The following FYCO1 variants were observed in gnomAD, a reference collection of about 807,000 sequenced individuals.
The protein encoded by FYCO1 is FYVE and coiled-coil domain-containing protein 1.
FYCO1 carries 122 observed loss-of-function variants against 165.1 expected under a neutral mutation model. The observed-to-expected ratio is 0.74, with a 90% CI of 0.64 to 0.86. FYCO1 has a LOEUF of 0.86. Among genes scored for constraint, FYCO1 ranks in the 40% least tolerant of loss-of-function variants. The probability of loss-of-function intolerance (pLI) is 0.00; values close to 1 mark genes in which losing one functional copy is unlikely to be tolerated. For synonymous variants in FYCO1, 648 were observed against 742.5 expected (o/e 0.87, Z 2.07); for missense variants, 1,702 against 1,810.3 (o/e 0.94, Z 1.09).
rs1350201867 is a variant in FYCO1, at chr3:45,980,311, T to C, written c.163-481A>G. ...TAGCAGTGAGCCAAGGTTGCACCAC[T>C]GCACTCCAGCCTGGGCAACAAGAGT... On this transcript the variant is annotated intron_variant, in intron 3 of 17. Transcript: ENST00000296137. Among the ~76,000 whole-genome samples, 7 of 150,094 alleles carry C rather than the reference T, an allele frequency of 4.7e-5. No individual in the cohort carries two copies. In the East Asian group the frequency reaches 1.4e-3, roughly 29 times the overall value.
chr3:45,962,479 G>A lies in FYCO1; in HGVS notation c.3270-87C>T. The A allele has an allele frequency of 8.2e-7, 1 of 1,217,780 alleles. No individual in the cohort carries two copies. The highest frequency in any genetic ancestry group is 1.2e-5 in the South Asian group (1 of 82,730). 75.4% of individuals were successfully genotyped at this position (1,217,780 alleles called of 1,614,324 possible). On this transcript the variant is annotated intron_variant, in intron 10 of 17. Transcript: ENST00000296137. The surrounding 1 kb of genome is among the most constrained non-coding windows in gnomAD (Gnocchi z 4.4). ...AGCTCACCCAGGACTCTAATGAGGGGTGCTACTGCCCTCCGCCATGGGGGA... is the reference window on the plus strand; with the variant it reads ...AGCTCACCCAGGACTCTAATGAGGGATGCTACTGCCCTCCGCCATGGGGGA...
At position 45,958,537 on chromosome 3, in the gene FYCO1, G is replaced by C. The variant is rs372348872; in HGVS notation, c.3670C>G (p.Arg1224Gly). 2.5e-6 allele frequency: 4 copies of C among 1,614,044 alleles called. No homozygotes were observed. The highest frequency in any genetic ancestry group is 1.3e-5 in the African/African-American group (1 of 74,924). Residue 1224 changes from arginine (R) to glycine (G), a missense_variant, in exon 13 of 18, where the codon CGA (arginine) becomes GGA (glycine). Coordinates refer to ENST00000296137, the MANE Select transcript of FYCO1 (RefSeq NM_024513.4). ...TCACTGAGCTTCTGGAAACAGGCTC[G>C]GCAGCAGCGCTCCTTTTTGCCACCG... ...KHGGKKERCC[R>G]ACFQKLSEGP...
chr3:45,923,341 A>C (rs1444989483), intron 17 of FYCO1, among the ~76,000 whole-genome samples: 2 of 152,172 alleles, frequency 1.3e-5, no homozygotes, highest in Non-Finnish European at 2.9e-5. Flanking sequence ...AGAGAGGGAA[A>C]GGGCACCTTG....
intron 7 of FYCO1, among the ~76,000 whole-genome samples, chr3:45,969,130 C>A (rs2125854216): frequency 6.6e-6 from 1 of 152,314 alleles, no homozygotes; most frequent in South Asian, 2.1e-4. Context: ...TTATATTGAT[C>A]ATTTTAATTT....
intron 16 of FYCO1, among the ~76,000 whole-genome samples, chr3:45,929,058 C>T (rs1703464536): frequency 6.6e-6 from 1 of 152,244 alleles, no homozygotes; most frequent in Non-Finnish European, 1.5e-5. Flanking sequence ...GTCAGGAGTG[C>T]ACTCGGGGAG....
intron 14 of FYCO1, chr3:45,938,149 A>G (rs1414398159): frequency 8.6e-7 from 1 of 1,162,858 alleles, no homozygotes. Context: ...CTCTTCCTCC[A>G]TCACCCTCCT....
At chr3:45,960,940 T>A (rs1357173280) in intron 11 of FYCO1, among the ~76,000 whole-genome samples, 2 of 152,188 alleles carry the variant, frequency 1.3e-5, no homozygotes, top group Non-Finnish European at 2.9e-5. Flanking sequence ...TGGGCATTTT[T>A]AAATTACTTT....
chr3:45,932,553 T>C (rs780915153), intron 15 of FYCO1, among the ~76,000 whole-genome samples: 1 of 152,202 alleles, frequency 6.6e-6, no homozygotes, highest in African/African-American at 2.4e-5. Context: ...GAAAATGTAT[T>C]ACTATCCCCT....
intron 5 of FYCO1, among the ~76,000 whole-genome samples, chr3:45,973,878 C>A (rs1251007652): frequency 6.6e-6 from 1 of 151,050 alleles, no homozygotes. Flanking sequence ...GGCAACATGG[C>A]AATATCCCAT....
Position 45,964,037 on chromosome 3 carries a change from A to T in FYCO1, c.3269+299T>A, listed in dbSNP as rs1327150951. On this transcript the variant is annotated intron_variant, in intron 10 of 17. Transcript: ENST00000296137. This position sits in a 1 kb window ranked among gnomAD's most constrained non-coding sequence, Gnocchi z 4.1. Reference sequence around the variant, plus strand: ...TGCTACTATTACCATTATTATTATGATCTAACTTTTATTTCATTTTAGTTT... The same window carrying T: ...TGCTACTATTACCATTATTATTATGTTCTAACTTTTATTTCATTTTAGTTT... Among the ~76,000 whole-genome samples, 1 of 152,218 alleles carries T rather than the reference A, an allele frequency of 6.6e-6. No homozygotes were observed. Among genetic ancestry groups the T allele is most frequent in the Non-Finnish European group, 1.5e-5 (1 of 68,040 alleles).
chr3:45,929,305 C>T (rs1478025810), intron 16 of FYCO1, among the ~76,000 whole-genome samples: 1 of 152,112 alleles, frequency 6.6e-6, no homozygotes, highest in Non-Finnish European at 1.5e-5. Flanking sequence ...TCAGTAGGTC[C>T]CCAAGTTCCT....
At chr3:45,931,040 A>T in intron 16 of FYCO1, 31 bp downstream of exon 16, 1 of 1,601,846 alleles carries the variant, frequency 6.2e-7, no homozygotes. Flanking sequence ...TGTGTGTGTA[A>T]GGAGCCCACA....
rs572011663 is a variant in FYCO1, at chr3:45,971,366, C to G, written c.540-1601G>C. ...CAAGAATGATCAAATGGTATTAAAA[C>G]TAATACAGGACAGATTTAAGAGAAA... On this transcript the variant is annotated intron_variant, in intron 6 of 17. Coordinates refer to ENST00000296137, the MANE Select transcript of FYCO1 (RefSeq NM_024513.4). Among the ~76,000 whole-genome samples the G allele has an allele frequency of 3.3e-5, 5 of 152,288 alleles. No homozygotes were observed. In the East Asian group the frequency reaches 7.7e-4, roughly 23 times the overall value.
chr3:45,938,463 A>G (rs916142261), intron 14 of FYCO1, among the ~76,000 whole-genome samples: 2 of 152,202 alleles, frequency 1.3e-5, no homozygotes, highest in Admixed American at 6.5e-5. Flanking sequence ...TGTTGTGAGG[A>G]TAAGTATTTA....
chr3:45,929,364 G>A (rs1263618518), intron 16 of FYCO1, among the ~76,000 whole-genome samples: 1 of 152,244 alleles, frequency 6.6e-6, no homozygotes, highest in Non-Finnish European at 1.5e-5. Context: ...AGGACTCGGT[G>A]GGTAGGGACT....
intron 2 of FYCO1, among the ~76,000 whole-genome samples, chr3:45,983,709 C>T (rs1707169840): frequency 6.6e-6 from 1 of 152,210 alleles, no homozygotes; most frequent in Non-Finnish European, 1.5e-5. Context: ...CAGAGACTGG[C>T]ATTTCACTTT....
rs374823897 is a variant in FYCO1 at position 45,968,079 on chromosome 3, C to A, written c.1255G>T (p.Glu419Ter). Residue 419 changes from glutamate (E) to a stop codon, truncating the protein, a stop_gained, in exon 8 of 18, where the codon GAG becomes TAG. Transcript: ENST00000296137. LOFTEE classifies it high-confidence loss of function. ...ALERERTKVE[E>*]VNRQQSAQLE... is the part of the protein sequence containing the mutation. The stretch of plus-strand genomic sequence containing the variant: ...TGGGCACTCTGCTGTCTGTTGACCT[C>A]CTCGACCTTGGTTCTCTCCCTTTCT... 33 of 1,614,182 alleles carry A rather than the reference C, an allele frequency of 2.0e-5. No homozygotes were observed. Among genetic ancestry groups the A allele is most frequent in the Non-Finnish European group, 2.8e-5 (33 of 1,180,022 alleles).
At chr3:45,968,766 G>A in intron 7 of FYCO1, 63 bp from the exon 8 acceptor site, 2 of 1,599,288 alleles carry the variant, frequency 1.3e-6, no homozygotes, top group East Asian at 2.2e-5. Flanking sequence ...ATTTAGAAAA[G>A]CTTTAGAGTT....
intron 11 of FYCO1, among the ~76,000 whole-genome samples, chr3:45,961,647 T>C (rs1029399962): frequency 6.6e-6 from 1 of 151,890 alleles, no homozygotes; most frequent in African/African-American, 2.4e-5. Flanking sequence ...TATTGAAATA[T>C]TTATGGATGA....
Sources: allele counts gnomAD v4.1 joint callset (sites outside exome capture counted in the v4.1 genomes callset), GRCh38; gene constraint gnomAD v4.1.1; non-coding constraint Gnocchi (gnomAD v3.1); transcripts MANE v1.5; gene names NCBI Gene and HGNC (gene_info 2026-07-23, HGNC 2026-07-21).